Variants in ADAMTSL3 observed in about 807,000 individuals in gnomAD.
ADAMTSL3 encodes ADAMTS like 3.
A neutral mutation model predicts 201.7 loss-of-function variants in ADAMTSL3; 128 were observed. That is an observed-to-expected ratio of 0.63 (90% CI 0.55 to 0.73). The LOEUF (loss-of-function observed/expected upper bound fraction) is 0.73. ADAMTSL3 is among the 30% of genes least tolerant of loss of function. The pLI, the probability that ADAMTSL3 is intolerant of heterozygous loss-of-function variation, is 0.00. For synonymous variants in ADAMTSL3, 738 were observed against 748.4 expected (o/e 0.99, Z 0.23); for missense variants, 1,990 against 2,119.6 (o/e 0.94, Z 1.20).
intron 10 of ADAMTSL3, among the ~76,000 whole-genome samples, chr15:83,889,629 A>T (rs1326048410): frequency 6.6e-6 from 1 of 152,162 alleles, no homozygotes; most frequent in Non-Finnish European, 1.5e-5. Flanking sequence ...AGGGAAGAAG[A>T]GAGATTATAC....
chr15:83,951,821 A>G (rs968222664), intron 19 of ADAMTSL3, among the ~76,000 whole-genome samples: 2 of 152,150 alleles, frequency 1.3e-5, no homozygotes, highest in African/African-American at 4.8e-5. Flanking sequence ...GTAGCAACTA[A>G]TGATCCCTTG....
chr15:84,009,094 C>T (rs2067957872), intron 23 of ADAMTSL3, among the ~76,000 whole-genome samples: 1 of 152,200 alleles, frequency 6.6e-6, no homozygotes, highest in Non-Finnish European at 1.5e-5. Flanking sequence ...TGCCTCTGCC[C>T]TTGCCCCCTG....
intron 23 of ADAMTSL3, among the ~76,000 whole-genome samples, chr15:84,011,681 A>C (rs1006535907): frequency 2.6e-5 from 4 of 152,238 alleles, no homozygotes; most frequent in African/African-American, 9.6e-5. Context: ...AAATGATATA[A>C]TTATTTACCT....
chr15:84,023,743 C>A (rs2068247331), intron 26 of ADAMTSL3, among the ~76,000 whole-genome samples: 1 of 152,120 alleles, frequency 6.6e-6, no homozygotes, highest in Admixed American at 6.5e-5. Context: ...ATAAACAGTC[C>A]CACACTTTCA....
chr15:83,809,216 G>A (rs550941215), intron 5 of ADAMTSL3, among the ~76,000 whole-genome samples: 3 of 152,244 alleles, frequency 2.0e-5, no homozygotes, highest in African/African-American at 4.8e-5. Context: ...ATTATATAAT[G>A]TATACATGTA....
chr15:83,743,883 C>A (rs1032685280), intron 3 of ADAMTSL3, among the ~76,000 whole-genome samples: 1 of 151,624 alleles, frequency 6.6e-6, no homozygotes, highest in Admixed American at 6.6e-5. Context: ...TTTGATATGG[C>A]GTCTGTTGCC....
At position 84,031,442 on chromosome 15, in the gene ADAMTSL3, C is replaced by T. The variant is rs1250227537; in HGVS notation, c.4754+10C>T. Reference sequence around the variant, plus strand: ...GTGATGACAGAAAGAGGTAGGGGCCCCACCCCAGAGCAGCACACATTCTCT... The same window carrying T: ...GTGATGACAGAAAGAGGTAGGGGCCTCACCCCAGAGCAGCACACATTCTCT... On this transcript the variant is annotated intron_variant, in intron 28 of 29. Transcript: ENST00000286744. The T allele has an allele frequency of 1.1e-5, 18 of 1,613,528 alleles. No individual in the cohort carries two copies. Among genetic ancestry groups the T allele is most frequent in the Non-Finnish European group, 1.4e-5 (17 of 1,179,564 alleles).
chr15:84,011,679 T>C (rs950601685), intron 23 of ADAMTSL3, among the ~76,000 whole-genome samples: 1 of 152,206 alleles, frequency 6.6e-6, no homozygotes, highest in Non-Finnish European at 1.5e-5. Context: ...GCAAATGATA[T>C]AATTATTTAC....
At chr15:83,894,611 G>T (rs1354926567) in intron 13 of ADAMTSL3, among the ~76,000 whole-genome samples, 1 of 152,010 alleles carries the variant, frequency 6.6e-6, no homozygotes, top group Non-Finnish European at 1.5e-5. Context: ...ACTCACATTT[G>T]CAATCTACTC....
rs116027135 is a variant in ADAMTSL3 at position 83,854,669 on chromosome 15, G to A, written c.728-4097G>A. Reference sequence around the variant, plus strand: ...ACATTGATGATCCTTGCCTGAAACAGTATTTAACACAGAGAGTTGCAAACG... The same window carrying A: ...ACATTGATGATCCTTGCCTGAAACAATATTTAACACAGAGAGTTGCAAACG... On this transcript the variant is annotated intron_variant, in intron 7 of 29. Transcript: ENST00000286744. Among the ~76,000 whole-genome samples, 582 of 152,274 alleles carry A rather than the reference G, an allele frequency of 3.8e-3. 4 individuals carry two copies. Among genetic ancestry groups the A allele is most frequent in the African/African-American group, 0.013 (540 of 41,550 alleles).
intron 4 of ADAMTSL3, among the ~76,000 whole-genome samples, chr15:83,776,087 G>C (rs915961821): frequency 6.6e-6 from 1 of 152,134 alleles, no homozygotes; most frequent in African/African-American, 2.4e-5. Flanking sequence ...AAATTTCTCA[G>C]GTGTGAATTA....
Position 83,942,974 on chromosome 15 carries a change from C to G in ADAMTSL3, c.2382C>G (p.Ser794Arg). The G allele has an allele frequency of 2.5e-6, 4 of 1,614,032 alleles. No homozygotes were observed. The highest frequency in any genetic ancestry group is 3.4e-6 in the Non-Finnish European group (4 of 1,179,984). ...GTCGGCAGCTGCTAACGGATGGCAG[C>G]TTTTTGAATCTCTCAGATGAATTGT... ...VTCRQLLTDG[S>R]FLNLSDELCQ... The change falls in exon 19 of 30, where the codon AGC becomes AGG. Residue 794 changes from serine (S) to arginine (R), a missense_variant. Physicochemically the swap from Ser to Arg is moderately radical, Grantham distance 110 (BLOSUM62 -1). Coordinates refer to ENST00000286744, the MANE Select transcript of ADAMTSL3 (RefSeq NM_207517.3).
At chr15:83,795,162 T>C (rs901107558) in intron 4 of ADAMTSL3, among the ~76,000 whole-genome samples, 2 of 151,772 alleles carry the variant, frequency 1.3e-5, no homozygotes, top group African/African-American at 4.8e-5. Flanking sequence ...CCGATCTACA[T>C]TTATTTTAAA....
intron 23 of ADAMTSL3, among the ~76,000 whole-genome samples, chr15:83,994,186 T>C (rs1240535690): frequency 6.6e-6 from 1 of 152,236 alleles, no homozygotes; most frequent in Non-Finnish European, 1.5e-5. Flanking sequence ...GACAACTGCT[T>C]CTTAGAGCAA....
At chr15:83,856,557 C>T (rs987758360) in intron 7 of ADAMTSL3, among the ~76,000 whole-genome samples, 7 of 151,956 alleles carry the variant, frequency 4.6e-5, no homozygotes, top group African/African-American at 1.7e-4. Context: ...CCATGATTTC[C>T]AGTAGGTAAT....
Position 83,744,813 on chromosome 15 carries a change from G to T in ADAMTSL3, c.190-28710G>T, listed in dbSNP as rs76895242. Among the ~76,000 whole-genome samples the T allele has an allele frequency of 7.1e-3, 1,081 of 152,296 alleles. 5 individuals are homozygous for T. The highest frequency in any genetic ancestry group is 0.025 in the African/African-American group (1,033 of 41,548). ...TCAGCAGGACTGTCGTGTTTGGGGTGTCTTACATATGCCTTCCTAGAGAAG... is the reference window on the plus strand; with the variant it reads ...TCAGCAGGACTGTCGTGTTTGGGGTTTCTTACATATGCCTTCCTAGAGAAG... On this transcript the variant is annotated intron_variant, in intron 3 of 29. Transcript: ENST00000286744.
intron 19 of ADAMTSL3, among the ~76,000 whole-genome samples, chr15:83,959,041 A>G (rs1477750537): frequency 1.3e-5 from 2 of 152,210 alleles, no homozygotes; most frequent in Non-Finnish European, 2.9e-5. Context: ...AACCACCAAA[A>G]ATCATAACAG....
At chr15:83,837,610 G>A (rs1370489459) in intron 6 of ADAMTSL3, among the ~76,000 whole-genome samples, 2 of 151,944 alleles carry the variant, frequency 1.3e-5, no homozygotes. Flanking sequence ...GGGAGACCCT[G>A]TCTTTACATC....
At chr15:83,912,981 C>T in intron 15 of ADAMTSL3, 111 bp from the exon 16 acceptor site, 1 of 1,154,054 alleles carries the variant, frequency 8.7e-7, no homozygotes, top group Non-Finnish European at 1.2e-6. Flanking sequence ...TGGAATTCCA[C>T]CGAGTGAAGC....
Sources: gnomAD v4.1 joint callset for allele counts (sites outside exome capture counted in the v4.1 genomes callset) on GRCh38, gnomAD v4.1.1 for gene constraint, MANE v1.5 for transcripts, NCBI Gene and HGNC (gene_info 2026-07-23, HGNC 2026-07-21) for gene names.